Variants in ST6GALNAC3 observed in about 807,000 individuals in gnomAD.
ST6GALNAC3 encodes alpha-N-acetylgalactosaminide alpha-2,6-sialyltransferase 3.
A neutral mutation model predicts 32.7 loss-of-function variants in ST6GALNAC3; 25 were observed. That is an observed-to-expected ratio of 0.76 (90% confidence interval 0.56 to 1.07). The LOEUF (loss-of-function observed/expected upper bound fraction) is 1.07. ST6GALNAC3 is among the 50% of genes least tolerant of loss of function. The pLI is 0.00. For synonymous variants in ST6GALNAC3, 129 were observed against 133.1 expected (o/e 0.97, Z 0.21); for missense variants, 355 against 382.4 (o/e 0.93, Z 0.60).
chr1:76,583,071 G>A (rs1307677930), intron 3 of ST6GALNAC3, among the ~76,000 whole-genome samples: 5 of 152,112 alleles, frequency 3.3e-5, no homozygotes, highest in Non-Finnish European at 7.4e-5. Context: ...GATACTCAGA[G>A]TGCCAGCATA....
intron 1 of ST6GALNAC3, among the ~76,000 whole-genome samples, chr1:76,123,503 C>A (rs187424619): frequency 6.6e-6 from 1 of 151,818 alleles, no homozygotes; most frequent in Non-Finnish European, 1.5e-5. Flanking sequence ...CAGAGAGGAG[C>A]GTCCACTCTA....
chr1:76,087,366 C>A (rs1010684672), intron 1 of ST6GALNAC3, among the ~76,000 whole-genome samples: 1 of 152,176 alleles, frequency 6.6e-6, no homozygotes, highest in Admixed American at 6.5e-5. Flanking sequence ...CTTTTCCCCA[C>A]TTATCTTCAG....
At chr1:76,126,691 C>T (rs765935458) in intron 1 of ST6GALNAC3, among the ~76,000 whole-genome samples, 13 of 152,146 alleles carry the variant, frequency 8.5e-5, no homozygotes, top group Non-Finnish European at 7.4e-5. Context: ...GCTGGGCAAA[C>T]AGTGTCGCTC....
intron 1 of ST6GALNAC3, among the ~76,000 whole-genome samples, chr1:76,235,088 C>G (rs748348565): frequency 2.6e-5 from 4 of 152,174 alleles, no homozygotes; most frequent in Non-Finnish European, 5.9e-5. Flanking sequence ...GTCAGTCACT[C>G]AGCTGATGGC....
intron 1 of ST6GALNAC3, among the ~76,000 whole-genome samples, chr1:76,243,359 T>G (rs550300769): frequency 6.6e-6 from 1 of 152,360 alleles, no homozygotes; most frequent in African/African-American, 2.4e-5. Context: ...ATTAGCCCTT[T>G]GTCAGATGGG....
At chr1:76,280,863 T>C (rs931230549) in intron 1 of ST6GALNAC3, among the ~76,000 whole-genome samples, 12 of 152,196 alleles carry the variant, frequency 7.9e-5, no homozygotes, top group African/African-American at 2.9e-4. Flanking sequence ...AATGAGATAA[T>C]ACATGAAATC....
At chr1:76,340,496 C>T (rs1475029606) in intron 2 of ST6GALNAC3, among the ~76,000 whole-genome samples, 1 of 152,090 alleles carries the variant, frequency 6.6e-6, no homozygotes, top group African/African-American at 2.4e-5. Context: ...GAGAAATCAT[C>T]AAGAAATTCA....
intron 3 of ST6GALNAC3, among the ~76,000 whole-genome samples, chr1:76,598,919 A>G (rs1371183167): frequency 1.3e-5 from 2 of 152,210 alleles, no homozygotes; most frequent in African/African-American, 2.4e-5. Flanking sequence ...TGTCTAACTA[A>G]TTCTCACTGC....
At chr1:76,626,045 T>C (rs978054645) in intron 3 of ST6GALNAC3, among the ~76,000 whole-genome samples, 2 of 151,904 alleles carry the variant, frequency 1.3e-5, no homozygotes, top group African/African-American at 4.8e-5. Flanking sequence ...TTTCCTGAAA[T>C]GCTGGCACAT....
At position 76,630,893 on chromosome 1, in the gene ST6GALNAC3, A is replaced by G; in HGVS notation, c.*2087A>G. 1.0e-6 allele frequency: 1 copy of G among 985,682 alleles called. No homozygotes were observed. The highest frequency in any genetic ancestry group is 1.2e-6 in the Non-Finnish European group (1 of 829,834). 61.1% of individuals were successfully genotyped at this position (985,682 alleles called of 1,614,324 possible). A position where few individuals can be genotyped will look rare whatever the true frequency, so the allele number is the denominator to read the frequency against. On this transcript the variant is annotated 3_prime_UTR_variant, in exon 5 of 5. Transcript: ENST00000328299. ...GACAAATGTTAAAATTGCCATACAG[A>G]CTGTTTTTCCCCCTGTTGTTTCACT...
At chr1:76,091,695 T>C (rs1001424035) in intron 1 of ST6GALNAC3, among the ~76,000 whole-genome samples, 44 of 152,224 alleles carry the variant, frequency 2.9e-4, no homozygotes, top group Admixed American at 2.0e-3. Flanking sequence ...CTTACCATTG[T>C]GTTACAGTTA....
chr1:76,294,458 C>T (rs937127952), intron 1 of ST6GALNAC3, among the ~76,000 whole-genome samples: 1 of 151,912 alleles, frequency 6.6e-6, no homozygotes, highest in African/African-American at 2.4e-5. Flanking sequence ...AGAGGACTAT[C>T]ATATTGCACT....
rs890516948 is a variant in ST6GALNAC3, at chr1:76,235,362, C to T, written c.19-78443C>T. Among the ~76,000 whole-genome samples the T allele has an allele frequency of 3.3e-5, 5 of 151,918 alleles. No individual in the cohort carries two copies. In the East Asian group the frequency reaches 9.7e-4, roughly 30 times the overall value. On this transcript the variant is annotated intron_variant, in intron 1 of 4. Transcript: ENST00000328299. ...CTCTACAAAAAATTAAAACTATTAGCCACGCGTGGTGGTGCCTGCCTGTAG... is the reference window on the plus strand; with the variant it reads ...CTCTACAAAAAATTAAAACTATTAGTCACGCGTGGTGGTGCCTGCCTGTAG...
intron 3 of ST6GALNAC3, among the ~76,000 whole-genome samples, chr1:76,444,852 C>T (rs185202937): frequency 6.6e-6 from 1 of 152,300 alleles, no homozygotes; most frequent in African/African-American, 2.4e-5. Flanking sequence ...CAGGCTTACT[C>T]TGTACCCTCC....
At chr1:76,343,110 G>A (rs1648197631) in intron 2 of ST6GALNAC3, among the ~76,000 whole-genome samples, 1 of 151,974 alleles carries the variant, frequency 6.6e-6, no homozygotes, top group Non-Finnish European at 1.5e-5. Flanking sequence ...TAATTTTGTT[G>A]CATTTGCTTT....
chr1:76,232,200 AC>A (rs1158079309), intron 1 of ST6GALNAC3, among the ~76,000 whole-genome samples: 1 of 152,240 alleles, frequency 6.6e-6, no homozygotes, highest in Non-Finnish European at 1.5e-5. Context: ...AACATCAGTA[AC>A]CAACAATATT....
intron 1 of ST6GALNAC3, among the ~76,000 whole-genome samples, chr1:76,129,867 T>C (rs1231347379): frequency 6.6e-6 from 1 of 152,218 alleles, no homozygotes; most frequent in Non-Finnish European, 1.5e-5. Context: ...GTGATCCATC[T>C]GCCAAACGAG....
intron 1 of ST6GALNAC3, among the ~76,000 whole-genome samples, chr1:76,140,774 C>A (rs1463206436): frequency 6.7e-6 from 1 of 149,896 alleles, no homozygotes; most frequent in Admixed American, 6.6e-5. Context: ...TACCACCATG[C>A]CCAGCTAAAT....
intron 3 of ST6GALNAC3, among the ~76,000 whole-genome samples, chr1:76,429,866 G>A (rs1309335822): frequency 6.6e-6 from 1 of 152,086 alleles, no homozygotes; most frequent in African/African-American, 2.4e-5. Context: ...CATGATACTG[G>A]TCTTTACTTT....
Sources: allele counts gnomAD v4.1 joint callset (sites outside exome capture counted in the v4.1 genomes callset), GRCh38; gene constraint gnomAD v4.1.1; transcripts MANE v1.5; gene names NCBI Gene and HGNC (gene_info 2026-07-23, HGNC 2026-07-21).